ADAMTSL1: variants seen among roughly 807,000 people sequenced by gnomAD.
ADAMTSL1 encodes the protein ADAMTS like 1, also known as ADAMTS-like protein 1.
Under a neutral mutation model 201.8 loss-of-function variants are expected in ADAMTSL1, and 126 were observed. The observed-to-expected ratio is 0.62, with a 90% confidence interval of 0.54 to 0.72. ADAMTSL1 has a LOEUF of 0.72. Among genes scored for constraint, ADAMTSL1 ranks in the 30% least tolerant of loss-of-function variants. ADAMTSL1 has a pLI of 0.00. For synonymous variants in ADAMTSL1, 1,121 were observed against 903.4 expected (o/e 1.24, Z -4.32); for missense variants, 2,679 against 2,277.8 (o/e 1.18, Z -3.59).
chr9:18,022,016 C>A (rs377183900), intron 1 of ADAMTSL1, among the ~76,000 whole-genome samples: 1 of 152,032 alleles, frequency 6.6e-6, no homozygotes, highest in East Asian at 1.9e-4. Context: ...AGGAGGGTGG[C>A]GGTTAAAGAA....
intron 2 of ADAMTSL1, among the ~76,000 whole-genome samples, chr9:18,164,478 G>T (rs1219846607): frequency 6.6e-6 from 1 of 151,744 alleles, no homozygotes; most frequent in African/African-American, 2.4e-5. Context: ...TCTAGAAAAT[G>T]AGCTCTCAAA....
chr9:18,493,454 C>T (rs1383959350), intron 1 of ADAMTSL1, among the ~76,000 whole-genome samples: 1 of 152,182 alleles, frequency 6.6e-6, no homozygotes, highest in Non-Finnish European at 1.5e-5. Flanking sequence ...CTAATCCCAG[C>T]ACACTCATCT....
At chr9:18,456,661 T>C (rs1370029778) in intron 2 of ADAMTSL1, among the ~76,000 whole-genome samples, 1 of 152,208 alleles carries the variant, frequency 6.6e-6, no homozygotes, top group Admixed American at 6.5e-5. Flanking sequence ...CTTTTCAATT[T>C]AGGAGATTTT....
At chr9:17,930,129 C>T (rs1563902152) in intron 1 of ADAMTSL1, among the ~76,000 whole-genome samples, 1 of 152,126 alleles carries the variant, frequency 6.6e-6, no homozygotes, top group Non-Finnish European at 1.5e-5. Flanking sequence ...CCTGAAATCT[C>T]AGAGTTTTAA....
At chr9:18,308,855 A>C (rs1194260241) in intron 2 of ADAMTSL1, among the ~76,000 whole-genome samples, 1 of 152,194 alleles carries the variant, frequency 6.6e-6, no homozygotes, top group African/African-American at 2.4e-5. Context: ...CATCATCCTG[A>C]AACCAAACCT....
At chr9:18,423,399 G>C (rs986683666) in intron 2 of ADAMTSL1, among the ~76,000 whole-genome samples, 2 of 152,190 alleles carry the variant, frequency 1.3e-5, no homozygotes, top group African/African-American at 4.8e-5. Flanking sequence ...TGGTCCAACT[G>C]ATTCCCCGTT....
At chr9:18,488,260 A>G (rs935365650) in intron 1 of ADAMTSL1, among the ~76,000 whole-genome samples, 1 of 152,132 alleles carries the variant, frequency 6.6e-6, no homozygotes, top group African/African-American at 2.4e-5. Context: ...ATCAAGATCA[A>G]AACCCTCTGC....
At chr9:18,205,562 G>T (rs554589785) in intron 2 of ADAMTSL1, among the ~76,000 whole-genome samples, 1 of 152,158 alleles carries the variant, frequency 6.6e-6, no homozygotes, top group East Asian at 1.9e-4. Context: ...CTGACACACA[G>T]AGGGTCAGGG....
intron 24 of ADAMTSL1, among the ~76,000 whole-genome samples, chr9:18,889,356 A>G (rs533444786): frequency 1.3e-5 from 2 of 152,190 alleles, no homozygotes; most frequent in East Asian, 3.9e-4. Flanking sequence ...CACTGTATTC[A>G]TTTCATGGCT....
rs1829120082 is a variant in ADAMTSL1, at chr9:18,661,947, C to A, written c.959C>A (p.Thr320Lys). The change falls in exon 9 of 29, where the codon ACA (threonine) becomes AAA (lysine). Residue 320 changes from threonine (T) to lysine (K), a missense_variant. By Grantham distance (78) the Thr-to-Lys change is moderately conservative (BLOSUM62 -1). Coordinates refer to ENST00000380548, the MANE Select transcript of ADAMTSL1 (RefSeq NM_001040272.6). Reference protein sequence around the residue: ...SATCGGGYQLTSAECYDLRSN... With the variant: ...SATCGGGYQLKSAECYDLRSN... ...TTTGATACTACAGGTTATCAGCTGA[C>A]ATCGGCTGAGTGCTACGATCTGAGG... 1 of 1,613,210 alleles carries A rather than the reference C, an allele frequency of 6.2e-7. No individual in the cohort carries two copies.
At chr9:18,083,225 G>T (rs1251860023) in intron 1 of ADAMTSL1, among the ~76,000 whole-genome samples, 1 of 152,132 alleles carries the variant, frequency 6.6e-6, no homozygotes, top group Non-Finnish European at 1.5e-5. Context: ...GATAGGCTGG[G>T]GGACCTACAA....
In ADAMTSL1 at chr9:18,635,991, T is replaced by A; in HGVS notation, c.650T>A (p.Leu217His). Reference protein sequence around the residue: ...AIPYGSRHIRLVLKGPDHLYL... With the variant: ...AIPYGSRHIRHVLKGPDHLYL... ...CCCTATGGAAGTAGACATATTCGCC[T>A]TGTCTTAAAAGGTCCTGATCACTTA... Residue 217 changes from leucine (L) to histidine (H), a missense_variant, in exon 6 of 29, where the codon CTT (leucine) becomes CAT (histidine). Physicochemically the swap from Leu to His is moderately conservative, Grantham distance 99. Coordinates refer to ENST00000380548, the MANE Select transcript of ADAMTSL1 (RefSeq NM_001040272.6). The A allele has an allele frequency of 6.2e-7, 1 of 1,602,908 alleles. No homozygotes were observed. The highest frequency in any genetic ancestry group is 1.8e-5 in the Admixed American group (1 of 56,158).
At chr9:18,814,552 G>T (rs1227373625) in intron 20 of ADAMTSL1, among the ~76,000 whole-genome samples, 1 of 152,130 alleles carries the variant, frequency 6.6e-6, no homozygotes, top group African/African-American at 2.4e-5. Flanking sequence ...ATGGACAAAA[G>T]ATAAAAAAGA....
At position 18,250,478 on chromosome 9, in the gene ADAMTSL1, A is replaced by G. The variant is rs193151358; in HGVS notation, c.207+86497A>G. The stretch of plus-strand genomic sequence containing the variant: ...TTGCCCTGGTTCCTGGTGAGAACCT[A>G]AAGAATGGAAACAGAAGAAAAGAAT... On this transcript the variant is annotated intron_variant, in intron 2 of 29. Transcript: ENST00000680146. 1.1e-3 allele frequency among the ~76,000 whole-genome samples: 172 copies of G among 152,310 alleles called. 1 individual carries two copies. The highest frequency in any genetic ancestry group is 4.1e-3 in the African/African-American group (169 of 41,574).
intron 23 of ADAMTSL1, among the ~76,000 whole-genome samples, chr9:18,867,526 A>C (rs1402333168): frequency 1.3e-5 from 2 of 152,198 alleles, no homozygotes; most frequent in African/African-American, 2.4e-5. Flanking sequence ...CCCATGCCCT[A>C]ATCACCACCT....
chr9:17,947,492 C>T (rs1827550193), intron 1 of ADAMTSL1, among the ~76,000 whole-genome samples: 1 of 151,792 alleles, frequency 6.6e-6, no homozygotes, highest in African/African-American at 2.4e-5. Context: ...TGTATTCTAC[C>T]AAATTTTTGT....
At chr9:18,844,297 C>G (rs545846579) in intron 23 of ADAMTSL1, among the ~76,000 whole-genome samples, 25 of 152,308 alleles carry the variant, frequency 1.6e-4, no homozygotes, top group Admixed American at 1.5e-3. Context: ...TGCTAGAGGT[C>G]CACTCCAGAC....
At chr9:18,004,938 T>A (rs1362375633) in intron 1 of ADAMTSL1, among the ~76,000 whole-genome samples, 1 of 152,100 alleles carries the variant, frequency 6.6e-6, no homozygotes, top group African/African-American at 2.4e-5. Flanking sequence ...TTGGCAAATA[T>A]TTTAAAATGC....
chr9:18,478,970 C>T (rs1474642506), intron 1 of ADAMTSL1, among the ~76,000 whole-genome samples: 1 of 152,098 alleles, frequency 6.6e-6, no homozygotes, highest in African/African-American at 2.4e-5. Flanking sequence ...GCTTGATTGG[C>T]AGTACTGGCT....
Sources: allele counts gnomAD v4.1 joint callset (sites outside exome capture counted in the v4.1 genomes callset), GRCh38; gene constraint gnomAD v4.1.1; transcripts MANE v1.5; gene names NCBI Gene and HGNC (gene_info 2026-07-23, HGNC 2026-07-21).